Variants in MACROH2A2 observed in about 807,000 individuals in gnomAD.
The protein encoded by MACROH2A2 is macroH2A.2 histone.
Under a neutral mutation model 37.6 loss-of-function variants are expected in MACROH2A2, and 6 were observed. The ratio of observed to expected loss-of-function variants is 0.16; its 90% CI spans 0.09 to 0.32. The LOEUF is 0.32. MACROH2A2 is among the 10% of genes least tolerant of loss of function. MACROH2A2 has a pLI of 1.00. For synonymous variants in MACROH2A2, 192 were observed against 202.7 expected (o/e 0.95, Z 0.45); for missense variants, 290 against 485.9 (o/e 0.60, Z 3.79).
chr10:70,094,615 G>A (rs1240392130), intron 5 of MACROH2A2, among the ~76,000 whole-genome samples: 7 of 152,198 alleles, frequency 4.6e-5, no homozygotes, highest in Non-Finnish European at 1.0e-4. Context: ...TTGCTAATTC[G>A]TCACTGATGA....
chr10:70,093,658 G>T, intron 4 of MACROH2A2, 77 bp from the exon 5 acceptor site: 1 of 743,164 alleles, frequency 1.3e-6, no homozygotes, highest in South Asian at 1.6e-5. Flanking sequence ...GGTGGCAGCC[G>T]TGAGAAGAGC....
At chr10:70,086,928 G>A (rs1004818358) in intron 2 of MACROH2A2, among the ~76,000 whole-genome samples, 32 of 152,148 alleles carry the variant, frequency 2.1e-4, no homozygotes, top group Admixed American at 1.9e-3. Flanking sequence ...AGCGGCTCAC[G>A]CCTGGAAATC....
At chr10:70,060,476 G>T (rs1246062904) in intron 1 of MACROH2A2, among the ~76,000 whole-genome samples, 1 of 152,170 alleles carries the variant, frequency 6.6e-6, no homozygotes, top group Non-Finnish European at 1.5e-5. Context: ...GCAGTCTGTT[G>T]TTCTAGCTTT....
chr10:70,063,831 C>G (rs2072063075), intron 1 of MACROH2A2, among the ~76,000 whole-genome samples: 1 of 152,144 alleles, frequency 6.6e-6, no homozygotes, highest in South Asian at 2.1e-4. Context: ...CAAGAAATTT[C>G]CAGAAGACTG....
intron 6 of MACROH2A2, among the ~76,000 whole-genome samples, chr10:70,096,551 G>T (rs2072277787): frequency 6.6e-6 from 1 of 152,184 alleles, no homozygotes; most frequent in Non-Finnish European, 1.5e-5. Flanking sequence ...AGAGGGAGCT[G>T]TTAATAGCCA....
chr10:70,094,824 C>T (rs931200727), intron 5 of MACROH2A2, among the ~76,000 whole-genome samples: 22 of 152,308 alleles, frequency 1.4e-4, no homozygotes, highest in African/African-American at 5.1e-4. Context: ...AGACTGTGGT[C>T]TCCAAAGGGC....
chr10:70,102,006 C>G (rs1325095140), intron 7 of MACROH2A2, among the ~76,000 whole-genome samples: 1 of 152,202 alleles, frequency 6.6e-6, no homozygotes, highest in African/African-American at 2.4e-5. Context: ...CAGGTGGATT[C>G]AACCTCAGAT....
chr10:70,071,201 A>G (rs1357911656), intron 1 of MACROH2A2, among the ~76,000 whole-genome samples: 1 of 152,186 alleles, frequency 6.6e-6, no homozygotes, highest in Non-Finnish European at 1.5e-5. Flanking sequence ...AGCACACACC[A>G]TATTCACAGA....
At chr10:70,085,017 G>A (rs1280646241) in intron 2 of MACROH2A2, among the ~76,000 whole-genome samples, 4 of 152,130 alleles carry the variant, frequency 2.6e-5, no homozygotes, top group Non-Finnish European at 4.4e-5. Context: ...ACAATTATCT[G>A]GGCTGGAAGA....
Position 70,075,707 on chromosome 10 carries a change from G to C in MACROH2A2, c.49G>C (p.Ala17Pro), listed in dbSNP as rs1330485063. ...KKKMSKLSRS[A>P]RAGVIFPVGR... Reference sequence around the variant, plus strand: ...GAAAATGTCCAAGCTGTCCCGTTCAGCTAGGGCAGGTGTCATCTTTCCAGT... The same window carrying C: ...GAAAATGTCCAAGCTGTCCCGTTCACCTAGGGCAGGTGTCATCTTTCCAGT... Residue 17 changes from alanine (A) to proline (P), a missense_variant, in exon 2 of 9, where the codon GCT becomes CCT. Around this residue, in one of 3 missense-constraint regions of MACROH2A2, gnomAD observed 83 missense variants for 159.9 expected, o/e 0.52. Coordinates refer to ENST00000373255, the MANE Select transcript of MACROH2A2 (RefSeq NM_018649.3). The surrounding 1 kb of genome is among the most constrained non-coding windows in gnomAD (Gnocchi z 5.0). 1 of 1,614,100 alleles carries C rather than the reference G, an allele frequency of 6.2e-7. No homozygotes were observed. Among genetic ancestry groups the C allele is most frequent in the Non-Finnish European group, 8.5e-7 (1 of 1,180,042 alleles).
chr10:70,095,566 A>T, intron 5 of MACROH2A2, 88 bp from the exon 6 acceptor site: 1 of 710,446 alleles, frequency 1.4e-6, no homozygotes, highest in East Asian at 2.6e-5. Context: ...TGAATAATTA[A>T]AGAGAATTAA....
intron 2 of MACROH2A2, among the ~76,000 whole-genome samples, chr10:70,086,945 C>T (rs1439040103): frequency 6.6e-6 from 1 of 152,312 alleles, no homozygotes; most frequent in East Asian, 1.9e-4. Context: ...AATCCCAACA[C>T]TTTGGGAAGC....
chr10:70,059,746 C>T (rs1420619261), intron 1 of MACROH2A2, among the ~76,000 whole-genome samples: 1 of 152,226 alleles, frequency 6.6e-6, no homozygotes, highest in Non-Finnish European at 1.5e-5. Context: ...CAGCTAGTCA[C>T]AGCCAAACTG....
chr10:70,067,162 A>C (rs987572813), intron 1 of MACROH2A2, among the ~76,000 whole-genome samples: 2 of 152,116 alleles, frequency 1.3e-5, no homozygotes, highest in Non-Finnish European at 1.5e-5. Flanking sequence ...AGTTGATGAA[A>C]TGTTGTGACC....
At chr10:70,067,084 T>G (rs2072083736) in intron 1 of MACROH2A2, among the ~76,000 whole-genome samples, 2 of 152,096 alleles carry the variant, frequency 1.3e-5, no homozygotes, top group South Asian at 4.1e-4. Context: ...TGTTAATGAG[T>G]CAACAATATC....
chr10:70,081,291 G>T (rs1196777673), intron 2 of MACROH2A2, among the ~76,000 whole-genome samples: 2 of 152,074 alleles, frequency 1.3e-5, no homozygotes, highest in African/African-American at 4.8e-5. Context: ...CATCCATGTG[G>T]CTATTGCTCT....
chr10:70,110,009 GAA>G (rs1419573193), intron 8 of MACROH2A2, among the ~76,000 whole-genome samples: 3 of 152,144 alleles, frequency 2.0e-5, no homozygotes, highest in Admixed American at 6.5e-5. Context: ...AGCCCAAGAG[GAA>G]AATAATGAGA....
intron 6 of MACROH2A2, among the ~76,000 whole-genome samples, chr10:70,096,441 T>A (rs1275517710): frequency 6.6e-6 from 1 of 152,206 alleles, no homozygotes; most frequent in Non-Finnish European, 1.5e-5. Context: ...GTGCTATTGA[T>A]AAAAGGGAAA....
In MACROH2A2 at chr10:70,109,085, C is replaced by T. The variant is rs767184110; in HGVS notation, c.831C>T (p.His277=). 9 of 1,614,028 alleles carry T rather than the reference C, an allele frequency of 5.6e-6. No individual in the cohort carries two copies. Among genetic ancestry groups the T allele is most frequent in the Non-Finnish European group, 5.9e-6 (7 of 1,179,834 alleles). ...GLAAKFVIHC[H]IPQWGSDKCE... is the part of the protein sequence containing the mutation. ...CAGCCAAATTTGTCATCCACTGTCA[C>T]ATCCCTCAGTGGGGCTCCGACAAAT... The change falls in exon 8 of 9, where the codon CAC becomes CAT. Residue 277 remains histidine (H), a synonymous_variant. Transcript: ENST00000373255.
Sources: allele counts gnomAD v4.1 joint callset (sites outside exome capture counted in the v4.1 genomes callset), GRCh38; gene constraint gnomAD v4.1.1; regional missense constraint gnomAD v4.1.1; non-coding constraint Gnocchi (gnomAD v3.1); transcripts MANE v1.5; gene names NCBI Gene and HGNC (gene_info 2026-07-23, HGNC 2026-07-21).